Variants in NF1 observed in about 807,000 individuals in gnomAD.
NF1 encodes the protein neurofibromin.
A neutral mutation model predicts 325.7 loss-of-function variants in NF1; 122 were observed. The observed-to-expected ratio is 0.37, with a 90% confidence interval of 0.32 to 0.44. NF1 has a LOEUF of 0.44. Ranked by LOEUF, NF1 falls within the 20% of genes least tolerant of loss-of-function variation. The pLI, the probability that NF1 is intolerant of heterozygous loss-of-function variation, is 1.00. For missense variants in NF1, 2,140 were observed against 3,415.4 expected (o/e 0.63, Z 9.31); for synonymous variants, 1,091 against 1,186.0 (o/e 0.92, Z 1.65).
chr17:31,261,321 C>G (rs754245962), intron 34 of NF1, among the ~76,000 whole-genome samples: 2 of 151,736 alleles, frequency 1.3e-5, no homozygotes, highest in African/African-American at 2.4e-5. Context: ...TCTTATTAGT[C>G]TCTTGTGTAA....
chr17:31,318,025 A>G (rs967600066), intron 36 of NF1: 3 of 355,100 alleles, frequency 8.4e-6, no homozygotes, highest in African/African-American at 6.4e-5. Context: ...ATCCCTTGCT[A>G]TCTCTATTAA....
intron 31 of NF1, chr17:31,253,222 G>A (rs1300533612): frequency 2.0e-6 from 1 of 509,068 alleles, no homozygotes; most frequent in Admixed American, 3.2e-5. Flanking sequence ...AAGGCAATTT[G>A]TGGGCATTTG....
At chr17:31,288,196 A>G (rs2068276403) in intron 36 of NF1, among the ~76,000 whole-genome samples, 2 of 152,136 alleles carry the variant, frequency 1.3e-5, no homozygotes, top group African/African-American at 4.8e-5. Flanking sequence ...GGCTTTCTAG[A>G]TAAGGATAAG....
At chr17:31,165,386 G>A (rs2065828223) in intron 4 of NF1, among the ~76,000 whole-genome samples, 1 of 152,142 alleles carries the variant, frequency 6.6e-6, no homozygotes, top group Non-Finnish European at 1.5e-5. Flanking sequence ...GCTTGTGTCA[G>A]AAATAGGAGC....
At chr17:31,180,414 T>G (rs142226971) in intron 5 of NF1, among the ~76,000 whole-genome samples, 1 of 152,300 alleles carries the variant, frequency 6.6e-6, no homozygotes, top group East Asian at 1.9e-4. Context: ...GTTGGCTTCA[T>G]CCCTGGGATG....
intron 36 of NF1, 152 bp from the exon 37 acceptor site, chr17:31,325,668 C>A: frequency 2.9e-6 from 2 of 690,326 alleles, no homozygotes; most frequent in South Asian, 3.9e-5. Flanking sequence ...GTCCAAAAAA[C>A]AACTGATTTA....
intron 1 of NF1, among the ~76,000 whole-genome samples, chr17:31,143,247 A>G (rs1251583632): frequency 2.0e-5 from 3 of 151,858 alleles, no homozygotes; most frequent in Admixed American, 1.3e-4. Flanking sequence ...TAAATCACAC[A>G]CACACACTCA....
At chr17:31,186,270 T>A (rs2066237747) in intron 8 of NF1, among the ~76,000 whole-genome samples, 1 of 152,166 alleles carries the variant, frequency 6.6e-6, no homozygotes, top group South Asian at 2.1e-4. Flanking sequence ...GAGTTCCCTA[T>A]GATCAGTTGG....
chr17:31,147,023 T>A (rs1206359177), intron 1 of NF1, among the ~76,000 whole-genome samples: 1 of 152,230 alleles, frequency 6.6e-6, no homozygotes, highest in Non-Finnish European at 1.5e-5. Flanking sequence ...AATGGCCAAT[T>A]TGTTTTTGTT....
At chr17:31,266,825 G>A (rs2067798341) in intron 36 of NF1, among the ~76,000 whole-genome samples, 1 of 151,746 alleles carries the variant, frequency 6.6e-6, no homozygotes, top group Non-Finnish European at 1.5e-5. Context: ...TGGACCTGCT[G>A]CAGATCCCTT....
chr17:31,122,637 A>G (rs1049791726), intron 1 of NF1, among the ~76,000 whole-genome samples: 6 of 152,234 alleles, frequency 3.9e-5, no homozygotes, highest in African/African-American at 1.4e-4. Flanking sequence ...TTATGGGCCA[A>G]AAGAGCATTT....
At chr17:31,158,915 A>G (rs2065714291) in intron 2 of NF1, 95 bp from the exon 3 acceptor site, 2 of 739,936 alleles carry the variant, frequency 2.7e-6, no homozygotes, top group Non-Finnish European at 4.9e-6. Flanking sequence ...ATGGAAGACT[A>G]TTGTTGATCT....
At chr17:31,158,150 T>G (rs1017870000) in intron 2 of NF1, among the ~76,000 whole-genome samples, 1 of 152,178 alleles carries the variant, frequency 6.6e-6, no homozygotes, top group Non-Finnish European at 1.5e-5. Context: ...TCTTTTTAGC[T>G]TCCACATATG....
intron 36 of NF1, among the ~76,000 whole-genome samples, chr17:31,270,803 T>C (rs2067879940): frequency 6.6e-6 from 1 of 152,234 alleles, no homozygotes; most frequent in Non-Finnish European, 1.5e-5. Context: ...TTAATCTACA[T>C]AATAACCTTC....
intron 12 of NF1, among the ~76,000 whole-genome samples, chr17:31,211,745 GA>G (rs1196200555): frequency 6.6e-6 from 1 of 152,038 alleles, no homozygotes; most frequent in South Asian, 2.1e-4. Context: ...CAGTATAAAA[GA>G]AAAAAATGTA....
chr17:31,335,296 A>ATATATATATATATATAGG (rs1440930498), intron 40 of NF1, among the ~76,000 whole-genome samples: 3 of 50,096 alleles, frequency 6.0e-5, no homozygotes, highest in African/African-American at 1.4e-4. Flanking sequence ...ATATATATAT[A>ATATATATATATATATAGG]ATTATGCCTT....
chr17:31,103,327 C>T (rs560012459), intron 1 of NF1, among the ~76,000 whole-genome samples: 1 of 152,270 alleles, frequency 6.6e-6, no homozygotes, highest in African/African-American at 2.4e-5. Context: ...ACTGCAACCT[C>T]TGCCTCCCGG....
intron 36 of NF1, among the ~76,000 whole-genome samples, chr17:31,310,082 C>G (rs1803763640): frequency 6.6e-6 from 1 of 151,936 alleles, no homozygotes. Flanking sequence ...GGTAATGAGG[C>G]CAGCGTTACT....
intron 1 of NF1, 130 bp downstream of exon 1, chr17:31,095,499 A>AGAAGG (rs1179307867): frequency 1.3e-5 from 7 of 546,688 alleles, no homozygotes; most frequent in Admixed American, 1.1e-4. Flanking sequence ...GGAAGGGAAG[A>AGAAGG]GAAGGGAAGG....
Sources: gnomAD v4.1 joint callset for allele counts (sites outside exome capture counted in the v4.1 genomes callset) on GRCh38, gnomAD v4.1.1 for gene constraint, MANE v1.5 for transcripts, NCBI Gene and HGNC (gene_info 2026-07-23, HGNC 2026-07-21) for gene names.